Variants in ARID4A observed in about 807,000 individuals in gnomAD.
ARID4A encodes the protein AT-rich interactive domain-containing protein 4A.
In ARID4A, 39 loss-of-function variants were observed where a neutral mutation model predicts 148.6. The ratio of observed to expected loss-of-function variants is 0.26; its 90% confidence interval spans 0.20 to 0.34. The LOEUF (loss-of-function observed/expected upper bound fraction) is 0.34, where lower values mean the gene tolerates loss of function less well. Among genes scored for constraint, ARID4A ranks in the 10% least tolerant of loss-of-function variants. ARID4A has a pLI of 1.00. For synonymous variants in ARID4A, 475 were observed against 481.2 expected, an observed-to-expected ratio of 0.99 and a Z score of 0.17; for missense variants, 1,265 against 1,449.1, an observed-to-expected ratio of 0.87 and a Z score of 2.06.
intron 7 of ARID4A, among the ~76,000 whole-genome samples, chr14:58,322,928 A>AC (rs2032983650): frequency 7.2e-6 from 1 of 138,018 alleles, no homozygotes; most frequent in South Asian, 2.4e-4. Flanking sequence ...GCACCACTGA[A>AC]CTCCAGCCTG....
At chr14:58,329,659 T>C in intron 10 of ARID4A, 55 bp downstream of exon 10, 1 of 1,423,728 alleles carries the variant, frequency 7.0e-7, no homozygotes, top group South Asian at 1.2e-5. Flanking sequence ...ATTTGGAAAA[T>C]AGCAAATAAA....
intron 11 of ARID4A, among the ~76,000 whole-genome samples, chr14:58,333,208 GAAA>G (rs758058322): frequency 2.8e-4 from 43 of 151,904 alleles, no homozygotes; most frequent in Non-Finnish European, 5.6e-4. Flanking sequence ...TAATTATATT[GAAA>G]AAATCCCTGG....
chr14:58,350,302 A>G lies in ARID4A; in HGVS notation c.1405-771A>G, dbSNP rs553922012. On this transcript the variant is annotated intron_variant, in intron 15 of 23. Transcript: ENST00000355431. ...AGGGAAAACATTTGTTTACTGAGATATTAATTGTATCCTAATGCTTCCTAA... is the reference window on the plus strand; with the variant it reads ...AGGGAAAACATTTGTTTACTGAGATGTTAATTGTATCCTAATGCTTCCTAA... 2.6e-5 allele frequency among the ~76,000 whole-genome samples: 4 copies of G among 152,260 alleles called. No individual in the cohort carries two copies. In the East Asian group the frequency reaches 5.8e-4, roughly 22 times the overall value.
At chr14:58,323,896 CTTTTTTTTTTTT>C (rs545318449) in intron 8 of ARID4A, among the ~76,000 whole-genome samples, 5 of 104,210 alleles carry the variant, frequency 4.8e-5, no homozygotes, top group South Asian at 3.1e-4. Context: ...CTTAGGTTCC[CTTTTTTTTTTTT>C]TTTTTTTTTT....
intron 23 of ARID4A, chr14:58,370,184 T>C (rs1296803134): frequency 6.6e-6 from 1 of 152,244 alleles, no homozygotes; most frequent in African/African-American, 2.4e-5. Context: ...TACAGAACTT[T>C]TGAATATCAA....
intron 11 of ARID4A, among the ~76,000 whole-genome samples, chr14:58,342,541 G>A (rs1054391116): frequency 5.3e-5 from 8 of 152,146 alleles, no homozygotes; most frequent in Non-Finnish European, 1.5e-5. Context: ...GAGCAACTTT[G>A]ATTTTAGTGC....
At chr14:58,335,460 T>C (rs2033765423) in intron 11 of ARID4A, among the ~76,000 whole-genome samples, 1 of 151,990 alleles carries the variant, frequency 6.6e-6, no homozygotes, top group African/African-American at 2.4e-5. Flanking sequence ...ATTACAGGCA[T>C]GCACCTCCAT....
intron 11 of ARID4A, among the ~76,000 whole-genome samples, chr14:58,334,755 C>G (rs1459062619): frequency 6.6e-6 from 1 of 152,092 alleles, no homozygotes; most frequent in South Asian, 2.1e-4. Context: ...TTCCCTTCCT[C>G]TTTTCAGGAA....
chr14:58,321,634 T>C (rs909654329), intron 7 of ARID4A, among the ~76,000 whole-genome samples: 19 of 152,190 alleles, frequency 1.2e-4, no homozygotes, highest in Non-Finnish European at 1.9e-4. Context: ...GTATTAGATA[T>C]GTACTCACTG....
Position 58,333,219 on chromosome 14 carries a change from T to TG in ARID4A, c.906+3055dup, listed in dbSNP as rs1290223554. The stretch of plus-strand genomic sequence containing the variant: ...TCAATAATTATATTGAAAAAATCCC[T>TG]GGGGGATATTTTTATGGGTATTACT... On this transcript the variant is annotated intron_variant, in intron 11 of 23. Coordinates refer to ENST00000355431, the MANE Select transcript of ARID4A (RefSeq NM_002892.4). 2.0e-5 allele frequency among the ~76,000 whole-genome samples: 3 copies of TG among 152,178 alleles called. No homozygotes were observed. The East Asian group carries it at 5.8e-4, about 29-fold the overall frequency.
At chr14:58,369,707 T>C (rs993491323) in intron 23 of ARID4A, among the ~76,000 whole-genome samples, 3 of 151,966 alleles carry the variant, frequency 2.0e-5, no homozygotes, top group African/African-American at 7.3e-5. Flanking sequence ...TCAAGAGTCT[T>C]ACATCCGATT....
intron 5 of ARID4A, among the ~76,000 whole-genome samples, chr14:58,311,119 G>A (rs2031997108): frequency 6.6e-6 from 1 of 152,088 alleles, no homozygotes; most frequent in African/African-American, 2.4e-5. Context: ...GGTGGTACAT[G>A]CCTGTAATCC....
At chr14:58,360,430 T>C (rs1378401992) in intron 18 of ARID4A, among the ~76,000 whole-genome samples, 1 of 152,234 alleles carries the variant, frequency 6.6e-6, no homozygotes, top group African/African-American at 2.4e-5. Flanking sequence ...AAAACACATA[T>C]ATACTGGCCA....
intron 11 of ARID4A, among the ~76,000 whole-genome samples, chr14:58,337,803 G>A (rs1015581736): frequency 3.9e-5 from 6 of 152,032 alleles, no homozygotes; most frequent in Non-Finnish European, 5.9e-5. Context: ...TTTTCCCTTC[G>A]AATTCATTAT....
chr14:58,357,543 G>A (rs2034934896), intron 17 of ARID4A, among the ~76,000 whole-genome samples: 1 of 151,880 alleles, frequency 6.6e-6, no homozygotes, highest in African/African-American at 2.4e-5. Context: ...AGCCCAGCAT[G>A]GCCTGGAATG....
intron 17 of ARID4A, among the ~76,000 whole-genome samples, chr14:58,357,601 A>AT: frequency 7.7e-6 from 1 of 129,200 alleles, no homozygotes; most frequent in African/African-American, 2.8e-5. Context: ...AGTTTTTTTT[A>AT]TTTTTTTGCA....
chr14:58,326,957 G>A (rs1357283302), intron 8 of ARID4A, among the ~76,000 whole-genome samples: 1 of 152,024 alleles, frequency 6.6e-6, no homozygotes, highest in Non-Finnish European at 1.5e-5. Flanking sequence ...CTCCTTGAGG[G>A]TTGGCACAGC....
chr14:58,299,141 G>A (rs1038285589), intron 1 of ARID4A, among the ~76,000 whole-genome samples: 18 of 152,296 alleles, frequency 1.2e-4, no homozygotes, highest in African/African-American at 4.3e-4. Flanking sequence ...GCTGCGGTGC[G>A]GCTCCCCTCC....
intron 11 of ARID4A, among the ~76,000 whole-genome samples, chr14:58,342,576 A>G (rs1594929535): frequency 6.6e-6 from 1 of 152,312 alleles, no homozygotes; most frequent in African/African-American, 2.4e-5. Flanking sequence ...GCTTTTACAT[A>G]TATTGAATAT....
Sources: allele counts gnomAD v4.1 joint callset (sites outside exome capture counted in the v4.1 genomes callset), GRCh38; gene constraint gnomAD v4.1.1; transcripts MANE v1.5; gene names NCBI Gene and HGNC (gene_info 2026-07-23, HGNC 2026-07-21).